Variants in CYRIB observed in about 807,000 individuals in gnomAD.
The protein encoded by CYRIB is CYFIP related Rac1 interactor B.
Under a neutral mutation model 44.2 loss-of-function variants are expected in CYRIB, and 8 were observed. The observed-to-expected ratio is 0.18, with a 90% CI of 0.11 to 0.33. The LOEUF is 0.33. Ranked by LOEUF, CYRIB falls within the 10% of genes least tolerant of loss-of-function variation. The pLI, the probability that CYRIB is intolerant of heterozygous loss-of-function variation, is 1.00. For synonymous variants in CYRIB, 131 were observed against 127.2 expected (o/e 1.03, Z -0.20); for missense variants, 185 against 382.8 (o/e 0.48, Z 4.31).
At chr8:129,908,431 T>C (rs1001374466) in intron 1 of CYRIB, among the ~76,000 whole-genome samples, 1 of 152,198 alleles carries the variant, frequency 6.6e-6, no homozygotes, top group African/African-American at 2.4e-5. Context: ...GGGTTGCATT[T>C]CCAATTATTT....
upstream of CYRIB, among the ~76,000 whole-genome samples, chr8:129,941,276 T>TG (rs2093678002): frequency 6.7e-6 from 1 of 148,554 alleles, no homozygotes; most frequent in Non-Finnish European, 1.5e-5. Context: ...GAAGGAGATT[T>TG]TTTTTTTTTT....
At chr8:129,931,149 T>TAA (rs780491481) in intron 1 of CYRIB, among the ~76,000 whole-genome samples, 1 of 143,588 alleles carries the variant, frequency 7.0e-6, no homozygotes, top group Non-Finnish European at 1.5e-5. Context: ...CCTACTCCCC[T>TAA]AAAAAAAAAA....
intron 1 of CYRIB, among the ~76,000 whole-genome samples, chr8:129,972,327 G>A (rs1270204701): frequency 6.6e-6 from 1 of 152,142 alleles, no homozygotes; most frequent in Non-Finnish European, 1.5e-5. Context: ...GGCCAGGCAC[G>A]GTGGCTCACC....
intron 1 of CYRIB, among the ~76,000 whole-genome samples, chr8:129,908,042 T>C (rs930595154): frequency 6.6e-6 from 1 of 152,158 alleles, no homozygotes; most frequent in African/African-American, 2.4e-5. Context: ...AATAACTCCA[T>C]GGAAAACTAA....
chr8:129,850,835 G>A (rs1299679991), exon 9 of CYRIB: 19 of 1,606,918 alleles, frequency 1.2e-5, no homozygotes, highest in South Asian at 5.5e-5. Flanking sequence ...TGATACTCAC[G>A]GTGTTTCCAG....
chr8:130,005,607 T>G (rs1262683365), intron 1 of CYRIB, among the ~76,000 whole-genome samples: 4 of 152,176 alleles, frequency 2.6e-5, no homozygotes, highest in Non-Finnish European at 5.9e-5. Context: ...TGTGAGATAC[T>G]GACCTCCTCA....
At chr8:129,986,317 C>T (rs2096455196) in intron 1 of CYRIB, among the ~76,000 whole-genome samples, 1 of 152,156 alleles carries the variant, frequency 6.6e-6, no homozygotes, top group Non-Finnish European at 1.5e-5. Context: ...CCCAGAACTG[C>T]CCACACCTCC....
chr8:129,845,230 T>A (rs1477788528), intron 11 of CYRIB, among the ~76,000 whole-genome samples: 4 of 152,324 alleles, frequency 2.6e-5, no homozygotes, highest in African/African-American at 9.6e-5. Flanking sequence ...CAAGAAAGAA[T>A]CCTAAAACCT....
chr8:129,940,690 T>A (rs2093624194), upstream of CYRIB, among the ~76,000 whole-genome samples: 1 of 152,144 alleles, frequency 6.6e-6, no homozygotes, highest in Non-Finnish European at 1.5e-5. Context: ...TTTATTAACA[T>A]TAAAGGGGAA....
chr8:129,885,297 A>C (rs1406798512), intron 2 of CYRIB, among the ~76,000 whole-genome samples: 2 of 152,186 alleles, frequency 1.3e-5, no homozygotes, highest in Non-Finnish European at 2.9e-5. Flanking sequence ...CACCGGTTGC[A>C]ACTTCTAGTG....
At position 129,874,404 on chromosome 8, in the gene CYRIB, G is replaced by A. The variant is rs150849359; in HGVS notation, c.74-2908C>T. ...TATAACTGCTAAAATTGAAGTCGTTGTAATATAAAAAGAAGCAAAGATTAA... is the reference window on the plus strand; with the variant it reads ...TATAACTGCTAAAATTGAAGTCGTTATAATATAAAAAGAAGCAAAGATTAA... On this transcript the variant is annotated intron_variant, in intron 3 of 11. Coordinates refer to ENST00000519824, the Ensembl canonical transcript of CYRIB. Among the ~76,000 whole-genome samples the A allele has an allele frequency of 4.6e-4, 70 of 152,080 alleles. No homozygotes were observed. In the South Asian group the frequency reaches 0.01, roughly 22 times the overall value.
intron 1 of CYRIB, among the ~76,000 whole-genome samples, chr8:130,007,467 G>C (rs1270544798): frequency 6.6e-6 from 1 of 152,224 alleles, no homozygotes; most frequent in Non-Finnish European, 1.5e-5. Context: ...GAGTTACCAT[G>C]AAAGTAAGAA....
At chr8:129,864,643 T>C (rs541726290) in intron 4 of CYRIB, 2 of 213,738 alleles carry the variant, frequency 9.4e-6, no homozygotes, top group Admixed American at 6.0e-5. Flanking sequence ...ATGTCATATA[T>C]AGGATTTGTG....
exon 12 of CYRIB, chr8:129,842,027 G>A (rs777242601): frequency 9.7e-6 from 7 of 724,966 alleles, no homozygotes; most frequent in Non-Finnish European, 1.6e-5. Context: ...AGGAACAGAG[G>A]AAAGAAATAA....
intron 2 of CYRIB, among the ~76,000 whole-genome samples, chr8:129,902,276 T>A (rs1264302821): frequency 6.6e-6 from 1 of 152,158 alleles, no homozygotes; most frequent in Admixed American, 6.5e-5. Context: ...CTGGAGTGCA[T>A]GGCGTGATCT....
At chr8:129,864,770 T>C (rs2052429414) in intron 4 of CYRIB, 2 of 398,566 alleles carry the variant, frequency 5.0e-6, no homozygotes, top group South Asian at 2.0e-5. Flanking sequence ...TGCTAAGGAG[T>C]GAGCTGGACA....
intron 2 of CYRIB, among the ~76,000 whole-genome samples, chr8:129,967,638 C>A (rs886818641): frequency 6.6e-6 from 1 of 152,170 alleles, no homozygotes; most frequent in Non-Finnish European, 1.5e-5. Flanking sequence ...CTCAGCCTCC[C>A]AAAGTGCTGG....
intron 1 of CYRIB, among the ~76,000 whole-genome samples, chr8:129,983,101 G>T (rs2096303502): frequency 6.6e-6 from 1 of 151,772 alleles, no homozygotes; most frequent in Non-Finnish European, 1.5e-5. Context: ...TTGAGCCCAG[G>T]CGCTCAAGAC....
chr8:129,885,940 C>T (rs2062586532), intron 2 of CYRIB, among the ~76,000 whole-genome samples: 1 of 152,196 alleles, frequency 6.6e-6, no homozygotes, highest in African/African-American at 2.4e-5. Context: ...ACACAAAACA[C>T]ATAAGCATCT....
Sources: allele counts gnomAD v4.1 joint callset (sites outside exome capture counted in the v4.1 genomes callset), GRCh38; gene constraint gnomAD v4.1.1; transcripts MANE v1.5; gene names NCBI Gene and HGNC (gene_info 2026-07-23, HGNC 2026-07-21).